Variants in OSBPL1A observed in about 807,000 individuals in gnomAD.
The protein encoded by OSBPL1A is oxysterol binding protein like 1A, also known as oxysterol-binding protein-related protein 1.
OSBPL1A carries 80 observed loss-of-function variants against 137.1 expected under a neutral mutation model. The observed-to-expected ratio is 0.58, with a 90% CI of 0.49 to 0.70. OSBPL1A has a LOEUF of 0.70. Ranked by LOEUF, OSBPL1A falls within the 30% of genes least tolerant of loss-of-function variation. The pLI, the probability that OSBPL1A is intolerant of heterozygous loss-of-function variation, is 0.00. For synonymous variants in OSBPL1A, 365 were observed against 389.7 expected (o/e 0.94, Z 0.75); for missense variants, 970 against 1,129.4 (o/e 0.86, Z 2.02).
At chr18:24,210,448 CAAAACAA>C (rs1159821167) in intron 17 of OSBPL1A, among the ~76,000 whole-genome samples, 1 of 150,820 alleles carries the variant, frequency 6.6e-6, no homozygotes, top group Non-Finnish European at 1.5e-5. Flanking sequence ...AAAAACAAAA[CAAAACAA>C]AAAACAAAAA....
chr18:24,313,150 A>G (rs1232085457), intron 12 of OSBPL1A, among the ~76,000 whole-genome samples: 1 of 139,516 alleles, frequency 7.2e-6, no homozygotes, highest in East Asian at 2.2e-4. Context: ...TAAATAAAAG[A>G]AAAAGAAAAG....
intron 21 of OSBPL1A, among the ~76,000 whole-genome samples, chr18:24,175,938 A>C (rs2086433436): frequency 6.6e-6 from 1 of 152,248 alleles, no homozygotes; most frequent in Non-Finnish European, 1.5e-5. Flanking sequence ...TTTGTCAAAA[A>C]TCAACTGACC....
At chr18:24,332,885 T>G in intron 7 of OSBPL1A, 57 bp downstream of exon 7, 1 of 1,589,392 alleles carries the variant, frequency 6.3e-7, no homozygotes, top group Non-Finnish European at 8.6e-7. Context: ...TTATATGGCA[T>G]TGACTTCATT....
chr18:24,262,879 G>A (rs904743644), intron 15 of OSBPL1A, among the ~76,000 whole-genome samples: 1 of 151,858 alleles, frequency 6.6e-6, no homozygotes, highest in East Asian at 1.9e-4. Flanking sequence ...GAATCATGCA[G>A]GGTGTGTACT....
intron 15 of OSBPL1A, among the ~76,000 whole-genome samples, chr18:24,269,641 ACT>A (rs1052653166): frequency 6.6e-6 from 1 of 152,162 alleles, no homozygotes; most frequent in Non-Finnish European, 1.5e-5. Flanking sequence ...CACCCTTAAG[ACT>A]CTGAAGTTAA....
At chr18:24,345,744 A>G (rs140529585) in intron 4 of OSBPL1A, among the ~76,000 whole-genome samples, 218 of 152,168 alleles carry the variant, frequency 1.4e-3, no homozygotes, top group African/African-American at 5.0e-3. Flanking sequence ...TTTTAAATCC[A>G]AGCATCCTCC....
At position 24,178,159 on chromosome 18, in the gene OSBPL1A, G is replaced by A. The variant is rs546297238; in HGVS notation, c.1947C>T (p.Val649=). 383 of 1,602,508 alleles carry A rather than the reference G, an allele frequency of 2.4e-4. No homozygotes were observed. Among genetic ancestry groups the A allele is most frequent in the Non-Finnish European group, 3.1e-4 (365 of 1,174,894 alleles). The part of the protein sequence containing the change: ...DLGFRLISEQ[V]SHHPPISAFH... The stretch of plus-strand genomic sequence containing the variant: ...ATGCACTGATTGGTGGGTGATGGCT[G>A]ACCTGTTCGGAGATGAGTCTAAATC... Residue 649 remains valine (V), a synonymous_variant, in exon 21 of 28, where the codon GTC becomes GTT. Transcript: ENST00000319481.
At chr18:24,325,865 A>C (rs1335001976) in intron 7 of OSBPL1A, among the ~76,000 whole-genome samples, 1 of 152,246 alleles carries the variant, frequency 6.6e-6, no homozygotes, top group Non-Finnish European at 1.5e-5. Context: ...AATCAAAGAG[A>C]TGGATTAACC....
rs377607204 is a variant in OSBPL1A at position 24,196,181 on chromosome 18, T to C, written c.1621A>G (p.Met541Val). 2.9e-5 allele frequency: 47 copies of C among 1,610,242 alleles called. No homozygotes were observed. The highest frequency in any genetic ancestry group is 3.4e-5 in the Non-Finnish European group (40 of 1,179,040). Residue 541 changes from methionine to valine, a missense_variant, in exon 18 of 28, where the codon ATG (methionine) becomes GTG (valine). By Grantham distance (21) the Met-to-Val change is conservative. This residue lies in a region of OSBPL1A where 647 missense variants were observed against 672.6 expected (regional missense o/e 0.96). Coordinates refer to ENST00000319481, the MANE Select transcript of OSBPL1A (RefSeq NM_080597.4). ...ATACTGAAGTCATTTCTGGAAAACA[T>C]AGGAGAAGGCAAACTTGTTCTGAAA... ...KKHRTSLPSPMFSRNDFSIWS... is the reference protein window; with the variant it reads ...KKHRTSLPSPVFSRNDFSIWS...
intron 7 of OSBPL1A, chr18:24,321,569 G>A: frequency 2.3e-6 from 1 of 427,066 alleles, no homozygotes; most frequent in Non-Finnish European, 4.7e-6. Context: ...GATTACAGGT[G>A]TGAGCTACTG....
chr18:24,324,804 G>T (rs74382383), intron 7 of OSBPL1A, among the ~76,000 whole-genome samples: 1 of 108,274 alleles, frequency 9.2e-6, no homozygotes, highest in Admixed American at 9.0e-5. Context: ...AAAAAAAAAA[G>T]AGGCCAGGTG....
intron 15 of OSBPL1A, among the ~76,000 whole-genome samples, chr18:24,245,220 C>T (rs992823306): frequency 5.9e-5 from 9 of 151,992 alleles, no homozygotes; most frequent in Non-Finnish European, 5.9e-5. Context: ...CTTGGCCTCC[C>T]GAGTAGTTAG....
chr18:24,384,873 G>A (rs549392531), intron 1 of OSBPL1A, among the ~76,000 whole-genome samples: 30 of 146,344 alleles, frequency 2.0e-4, no homozygotes, highest in African/African-American at 6.1e-4. Flanking sequence ...AAACTGTCTC[G>A]GAAAAAAAAA....
intron 17 of OSBPL1A, among the ~76,000 whole-genome samples, chr18:24,200,327 G>A (rs2087180630): frequency 6.6e-6 from 1 of 152,160 alleles, no homozygotes; most frequent in Non-Finnish European, 1.5e-5. Context: ...ACTTTGGGAG[G>A]CTGAGGCGGG....
intron 21 of OSBPL1A, among the ~76,000 whole-genome samples, chr18:24,173,204 T>A (rs1361951121): frequency 6.6e-6 from 1 of 152,060 alleles, no homozygotes; most frequent in African/African-American, 2.4e-5. Context: ...TGATGTGAAC[T>A]CATGAACACA....
At chr18:24,202,394 C>T (rs1443223395) in intron 17 of OSBPL1A, among the ~76,000 whole-genome samples, 2 of 152,208 alleles carry the variant, frequency 1.3e-5, no homozygotes, top group Non-Finnish European at 2.9e-5. Flanking sequence ...AAAGTACAAA[C>T]ATACTAAGAT....
chr18:24,337,375 T>TATAACATAACATAACA (rs748388391), intron 5 of OSBPL1A, among the ~76,000 whole-genome samples: 2 of 141,314 alleles, frequency 1.4e-5, no homozygotes, highest in African/African-American at 5.4e-5. Context: ...AAACATAACA[T>TATAACATAACATAACA]TAACATAACA....
intron 17 of OSBPL1A, 62 bp from the exon 18 acceptor site, chr18:24,196,262 A>G: frequency 8.7e-7 from 1 of 1,156,010 alleles, no homozygotes; most frequent in Non-Finnish European, 1.3e-6. Flanking sequence ...GGAGGGAAGA[A>G]CTGCTTTCAT....
intron 4 of OSBPL1A, among the ~76,000 whole-genome samples, chr18:24,348,983 G>A (rs1483752162): frequency 1.3e-5 from 2 of 151,782 alleles, no homozygotes; most frequent in South Asian, 2.1e-4. Context: ...CCTAGGCAAC[G>A]TGTCAAAACC....
Sources: allele counts gnomAD v4.1 joint callset (sites outside exome capture counted in the v4.1 genomes callset), GRCh38; gene constraint gnomAD v4.1.1; regional missense constraint gnomAD v4.1.1; transcripts MANE v1.5; gene names NCBI Gene and HGNC (gene_info 2026-07-23, HGNC 2026-07-21).